The following ARHGAP24 variants were observed in gnomAD, a reference collection of about 807,000 sequenced individuals.
The protein encoded by ARHGAP24 is rho GTPase-activating protein 24.
ARHGAP24 carries 50 observed loss-of-function variants against 76.4 expected under a neutral mutation model. The observed-to-expected ratio is 0.65, with a 90% CI of 0.52 to 0.83. The LOEUF (loss-of-function observed/expected upper bound fraction) is 0.83, where lower values mean the gene tolerates loss of function less well. ARHGAP24 is among the 40% of genes least tolerant of loss of function. ARHGAP24 has a pLI of 0.00. For missense variants in ARHGAP24, 930 were observed against 914.2 expected (o/e 1.02, Z -0.22); for synonymous variants, 345 against 323.3 (o/e 1.07, Z -0.72).
At position 85,593,223 on chromosome 4, in the gene ARHGAP24, C is replaced by A. The variant is rs146815044; in HGVS notation, c.180+22502C>A. ...TGATCAATGATGTTGAGCACCTTTT[C>A]ATATAACTGTTTGCCATTTGTATGT... is the stretch of plus-strand genomic sequence containing the variant. On this transcript the variant is annotated intron_variant, in intron 2 of 9. Transcript: ENST00000395184. Among the ~76,000 whole-genome samples, 459 of 152,228 alleles carry A rather than the reference C, an allele frequency of 3.0e-3. 4 individuals carry two copies. The highest frequency in any genetic ancestry group is 0.01 in the African/African-American group (432 of 41,544).
At chr4:85,896,096 A>G (rs1479717565) in intron 3 of ARHGAP24, among the ~76,000 whole-genome samples, 2 of 152,200 alleles carry the variant, frequency 1.3e-5, no homozygotes, top group Non-Finnish European at 2.9e-5. Context: ...AAGTAAACCC[A>G]TATTTGTTGA....
intron 3 of ARHGAP24, among the ~76,000 whole-genome samples, chr4:85,907,971 C>T (rs1436500103): frequency 3.3e-5 from 5 of 152,122 alleles, no homozygotes; most frequent in East Asian, 1.9e-4. Context: ...TTTTGGCAAC[C>T]GTCTCGGAGC....
chr4:85,666,956 C>A (rs1313053402), intron 2 of ARHGAP24, among the ~76,000 whole-genome samples: 1 of 152,202 alleles, frequency 6.6e-6, no homozygotes, highest in Non-Finnish European at 1.5e-5. Flanking sequence ...GTCAGGGACC[C>A]ACTTGAGGAG....
chr4:85,573,101 T>C (rs1459883914), intron 2 of ARHGAP24, among the ~76,000 whole-genome samples: 4 of 152,152 alleles, frequency 2.6e-5, no homozygotes. Context: ...GGTCTTGAAC[T>C]CCTGACCTCA....
chr4:85,598,831 G>A (rs979837399), intron 2 of ARHGAP24, among the ~76,000 whole-genome samples: 6 of 150,498 alleles, frequency 4.0e-5, no homozygotes, highest in African/African-American at 1.5e-4. Context: ...CCTAATAGAA[G>A]TACAGTGCAG....
chr4:85,825,886 A>T (rs1172941181), intron 3 of ARHGAP24, among the ~76,000 whole-genome samples: 1 of 152,206 alleles, frequency 6.6e-6, no homozygotes, highest in Non-Finnish European at 1.5e-5. Context: ...CTGTAAGGTA[A>T]CTAATTTACT....
intron 3 of ARHGAP24, among the ~76,000 whole-genome samples, chr4:85,817,735 G>A (rs1456937874): frequency 6.6e-6 from 1 of 152,130 alleles, no homozygotes; most frequent in Non-Finnish European, 1.5e-5. Context: ...TAATACAAAA[G>A]GTTGGTCTTG....
intron 2 of ARHGAP24, among the ~76,000 whole-genome samples, chr4:85,651,966 C>A: frequency 6.6e-6 from 1 of 152,002 alleles, no homozygotes; most frequent in East Asian, 1.9e-4. Flanking sequence ...AATTTAAAGT[C>A]TTTCTCAGAA....
rs1732864818 is a variant in ARHGAP24 at position 85,875,553 on chromosome 4, T to TAATA, written c.269-48095_269-48094insAATA. Among the ~76,000 whole-genome samples, 2 of 72,372 alleles carry TAATA rather than the reference T, an allele frequency of 2.8e-5. 1 individual carries two copies. Among genetic ancestry groups the TAATA allele is most frequent in the East Asian group, 2.1e-3 (2 of 952 alleles). 47.5% of individuals were successfully genotyped at this position (72,372 alleles called of 152,430 possible). On this transcript the variant is annotated intron_variant, in intron 3 of 9. Coordinates refer to ENST00000395184, the MANE Select transcript of ARHGAP24 (RefSeq NM_001025616.3). ...TAATATATATTATTTATATTTTATA[T>TAATA]TATATTTTTATATTATATAATATAT...
chr4:85,615,752 A>G (rs1720519530), intron 2 of ARHGAP24, among the ~76,000 whole-genome samples: 1 of 152,216 alleles, frequency 6.6e-6, no homozygotes, highest in Non-Finnish European at 1.5e-5. Context: ...ATGAATTGTG[A>G]ATCCTTCCCA....
chr4:85,881,003 T>C (rs534295960), intron 3 of ARHGAP24, among the ~76,000 whole-genome samples: 1 of 152,340 alleles, frequency 6.6e-6, no homozygotes, highest in Non-Finnish European at 1.5e-5. Context: ...CCTAAAGATT[T>C]ATGGCTTCTT....
At chr4:85,861,545 T>A (rs895268152) in intron 3 of ARHGAP24, among the ~76,000 whole-genome samples, 1 of 152,050 alleles carries the variant, frequency 6.6e-6, no homozygotes, top group Non-Finnish European at 1.5e-5. Flanking sequence ...AAGCAAGACA[T>A]ACGTGTTGTG....
chr4:85,497,913 CG>C (rs1160815106), intron 1 of ARHGAP24, among the ~76,000 whole-genome samples: 13 of 152,194 alleles, frequency 8.5e-5, no homozygotes, highest in Admixed American at 6.5e-4. Context: ...TTTGAACACA[CG>C]GCAGTTTTGC....
chr4:85,749,681 T>C (rs891788781), intron 3 of ARHGAP24, among the ~76,000 whole-genome samples: 1 of 152,194 alleles, frequency 6.6e-6, no homozygotes. Flanking sequence ...TTCTCCTGCC[T>C]CAGCCCCCTG....
At position 85,764,126 on chromosome 4, in the gene ARHGAP24, G is replaced by C. The variant is rs1459485372; in HGVS notation, c.268+42154G>C. 2.0e-5 allele frequency among the ~76,000 whole-genome samples: 3 copies of C among 152,072 alleles called. No homozygotes were observed. In the South Asian group the frequency reaches 6.2e-4, roughly 32 times the overall value. Reference sequence around the variant, plus strand: ...ACCAAGGAGTTTACTAACAATGAGAGTTTCTGGAAGAATTTATTGATGGTT... The same window carrying C: ...ACCAAGGAGTTTACTAACAATGAGACTTTCTGGAAGAATTTATTGATGGTT... On this transcript the variant is annotated intron_variant, in intron 3 of 9. Transcript: ENST00000395184.
intron 3 of ARHGAP24, 105 bp downstream of exon 3, chr4:85,722,077 T>C: frequency 9.5e-7 from 1 of 1,050,402 alleles, no homozygotes; most frequent in Non-Finnish European, 1.4e-6. Flanking sequence ...ACTGAGAACC[T>C]TAATTTGAGG....
intron 3 of ARHGAP24, among the ~76,000 whole-genome samples, chr4:85,882,880 T>G (rs1733342170): frequency 6.6e-6 from 1 of 152,126 alleles, no homozygotes; most frequent in African/African-American, 2.4e-5. Context: ...CAGAGCAGAT[T>G]AGAGATGATA....
chr4:85,869,753 G>A (rs1387058651), intron 3 of ARHGAP24, among the ~76,000 whole-genome samples: 3 of 152,152 alleles, frequency 2.0e-5, no homozygotes, highest in Non-Finnish European at 4.4e-5. Context: ...GAACATGTGT[G>A]TTAACTCTGT....
chr4:85,929,977 A>G (rs768226143), intron 4 of ARHGAP24, among the ~76,000 whole-genome samples: 5 of 152,196 alleles, frequency 3.3e-5, no homozygotes, highest in Non-Finnish European at 5.9e-5. Flanking sequence ...AAGTCAACAC[A>G]AAGTCAAAAG....
Sources: allele counts gnomAD v4.1 joint callset (sites outside exome capture counted in the v4.1 genomes callset), GRCh38; gene constraint gnomAD v4.1.1; transcripts MANE v1.5; gene names NCBI Gene and HGNC (gene_info 2026-07-23, HGNC 2026-07-21).